The following ATP8A2 variants were observed in gnomAD, a reference collection of about 807,000 sequenced individuals.
ATP8A2 encodes the protein ATPase phospholipid transporting 8A2, also known as phospholipid-transporting ATPase IB.
ATP8A2 carries 100 observed loss-of-function variants against 165.6 expected under a neutral mutation model. The observed-to-expected ratio is 0.60, with a 90% CI of 0.51 to 0.71. The LOEUF is 0.71. ATP8A2 is among the 30% of genes least tolerant of loss of function. The pLI, the probability that ATP8A2 is intolerant of heterozygous loss-of-function variation, is 0.00. For synonymous variants in ATP8A2, 543 were observed against 548.8 expected (o/e 0.99, Z 0.15); for missense variants, 1,227 against 1,479.5 (o/e 0.83, Z 2.80).
chr13:25,577,770 GGAAA>G (rs1197459246), intron 20 of ATP8A2, among the ~76,000 whole-genome samples: 7 of 152,076 alleles, frequency 4.6e-5, no homozygotes, highest in Non-Finnish European at 7.3e-5. Flanking sequence ...ATGTATCGAG[GGAAA>G]GAATTATTAA....
intron 8 of ATP8A2, among the ~76,000 whole-genome samples, chr13:25,540,742 ATTG>A: frequency 6.6e-6 from 1 of 152,108 alleles, no homozygotes; most frequent in Non-Finnish European, 1.5e-5. Flanking sequence ...AGTTTACATC[ATTG>A]TTGTAATAAA....
intron 34 of ATP8A2, among the ~76,000 whole-genome samples, 179 bp downstream of exon 34, chr13:25,961,842 A>G (rs1955667598): frequency 1.3e-5 from 2 of 152,198 alleles, no homozygotes; most frequent in South Asian, 4.1e-4. Flanking sequence ...TCATCTTGAT[A>G]TGAAAATATA....
chr13:25,543,633 T>G (rs2038553400), intron 10 of ATP8A2, among the ~76,000 whole-genome samples: 1 of 152,216 alleles, frequency 6.6e-6, no homozygotes, highest in South Asian at 2.1e-4. Context: ...TTTTCTGGAT[T>G]AGGGGAACAA....
intron 30 of ATP8A2, among the ~76,000 whole-genome samples, chr13:25,852,216 T>C (rs1223341258): frequency 6.6e-6 from 1 of 152,180 alleles, no homozygotes; most frequent in Non-Finnish European, 1.5e-5. Context: ...CCAGGGGACA[T>C]TTGGCAATGT....
At chr13:25,812,010 C>T (rs1379517491) in intron 27 of ATP8A2, among the ~76,000 whole-genome samples, 1 of 152,160 alleles carries the variant, frequency 6.6e-6, no homozygotes, top group Admixed American at 6.5e-5. Flanking sequence ...TACATTACAG[C>T]TTTGCCTCCT....
At position 25,962,890 on chromosome 13, in the gene ATP8A2, A is replaced by G. The variant is rs369827831; in HGVS notation, c.3272+1227A>G. Reference sequence around the variant, plus strand: ...TAGATAGAGGGGGAAAGAATATTATAACATGGATTTTCTTTTTTTTTCCTG... The same window carrying G: ...TAGATAGAGGGGGAAAGAATATTATGACATGGATTTTCTTTTTTTTTCCTG... On this transcript the variant is annotated intron_variant, in intron 34 of 36. Transcript: ENST00000381655. Among the ~76,000 whole-genome samples the G allele has an allele frequency of 3.0e-3, 460 of 152,314 alleles. 2 individuals are homozygous for G. Among genetic ancestry groups the G allele is most frequent in the African/African-American group, 0.01 (435 of 41,568 alleles).
At chr13:26,012,725 GCTGACGGGGGGT>G in intron 36 of ATP8A2, 103 bp downstream of exon 36, 1 of 179,932 alleles carries the variant, frequency 5.6e-6, no homozygotes, top group Non-Finnish European at 1.1e-5. Context: ...CCGGGTGAGT[GCTGACGGGGGGT>G]GGGGGCGGGG....
intron 33 of ATP8A2, among the ~76,000 whole-genome samples, chr13:25,919,735 C>CT: frequency 6.6e-6 from 1 of 152,130 alleles, no homozygotes; most frequent in Non-Finnish European, 1.5e-5. Context: ...TTTTCTGTAT[C>CT]TTTCTTATAG....
At chr13:25,919,856 T>C (rs1954394690) in intron 33 of ATP8A2, among the ~76,000 whole-genome samples, 1 of 152,126 alleles carries the variant, frequency 6.6e-6, no homozygotes, top group Admixed American at 6.5e-5. Context: ...ACCTCGATCA[T>C]AGCTCCCATA....
At chr13:25,378,353 ATT>A (rs58118663) in intron 1 of ATP8A2, among the ~76,000 whole-genome samples, 63,714 of 147,942 alleles carry the variant, frequency 0.43, 13,929 homozygotes, top group African/African-American at 0.52. Flanking sequence ...AGAGTTTTGC[ATT>A]TTTTTTTTTG....
chr13:26,003,817 T>C (rs1956684124), intron 35 of ATP8A2, among the ~76,000 whole-genome samples: 2 of 152,190 alleles, frequency 1.3e-5, no homozygotes, highest in African/African-American at 4.8e-5. Context: ...TTGTTGAAAA[T>C]CAGTTGACCA....
rs1391480155 is a variant in ATP8A2 at position 25,540,218 on chromosome 13, G to C, written c.582-101G>C. On this transcript the variant is annotated intron_variant, in intron 7 of 36. Coordinates refer to ENST00000381655, the MANE Select transcript of ATP8A2 (RefSeq NM_016529.6). ...GTTATTTATAACAATTTATTTTGAA[G>C]GGCCAATCAGCAGACACAGATTCCA... 7.2e-6 allele frequency: 6 copies of C among 837,982 alleles called. No individual in the cohort carries two copies. In the African/African-American group the frequency reaches 8.5e-5, roughly 12 times the overall value. The allele number at this position is 837,982 out of a possible 1,614,324, so 51.9% of individuals were successfully genotyped here.
At chr13:25,476,972 G>A (rs1049462566) in intron 2 of ATP8A2, among the ~76,000 whole-genome samples, 1 of 152,176 alleles carries the variant, frequency 6.6e-6, no homozygotes, top group African/African-American at 2.4e-5. Flanking sequence ...TATTGGAACT[G>A]GGGGAGCTTT....
intron 24 of ATP8A2, among the ~76,000 whole-genome samples, chr13:25,592,755 C>T (rs2040123953): frequency 6.6e-6 from 1 of 152,140 alleles, no homozygotes; most frequent in Non-Finnish European, 1.5e-5. Context: ...AAGAGATGAA[C>T]TTTAACTCTA....
At chr13:25,524,665 A>G (rs929597988) in intron 2 of ATP8A2, among the ~76,000 whole-genome samples, 2 of 151,762 alleles carry the variant, frequency 1.3e-5, no homozygotes, top group Non-Finnish European at 2.9e-5. Context: ...TTTGGTTTTC[A>G]CTTGCATGGA....
chr13:25,477,951 G>A (rs965458329), intron 2 of ATP8A2, among the ~76,000 whole-genome samples: 42 of 151,954 alleles, frequency 2.8e-4, no homozygotes, highest in Non-Finnish European at 1.6e-4. Context: ...AAAGAAAAAA[G>A]TATACTATTT....
chr13:25,660,064 G>T (rs1340341161), intron 24 of ATP8A2, among the ~76,000 whole-genome samples: 5 of 152,062 alleles, frequency 3.3e-5, no homozygotes, highest in Non-Finnish European at 7.4e-5. Flanking sequence ...TTACTATCAG[G>T]CCCTTTATGT....
chr13:25,532,428 A>T, intron 5 of ATP8A2, 111 bp downstream of exon 5: 1 of 686,888 alleles, frequency 1.5e-6, no homozygotes, highest in Non-Finnish European at 2.4e-6. Flanking sequence ...TGGGAAGATG[A>T]TCTATAAAAT....
rs1199717245 is a variant in ATP8A2 at position 25,419,093 on chromosome 13, G to A, written c.76+46805G>A. On this transcript the variant is annotated intron_variant, in intron 1 of 36. Transcript: ENST00000381655. ...TGTGTCTGCGTGCATGTGTGTGCAC[G>A]CACGTGTTGAGGAAAAGCTCCACAT... Among the ~76,000 whole-genome samples the A allele has an allele frequency of 5.3e-5, 8 of 152,262 alleles. No homozygotes were observed. In the South Asian group the frequency reaches 6.2e-4, roughly 12 times the overall value.
Sources: gnomAD v4.1 joint callset for allele counts (sites outside exome capture counted in the v4.1 genomes callset) on GRCh38, gnomAD v4.1.1 for gene constraint, MANE v1.5 for transcripts, NCBI Gene and HGNC (gene_info 2026-07-23, HGNC 2026-07-21) for gene names.